Variants in ZNF398 observed in about 807,000 individuals in gnomAD.
ZNF398 encodes the protein zinc finger DNA binding protein ZER6.
In ZNF398, 18 loss-of-function variants were observed where a neutral mutation model predicts 41.9. That is an observed-to-expected ratio of 0.43 (90% CI 0.30 to 0.64). The LOEUF (loss-of-function observed/expected upper bound fraction) is 0.64, where lower values mean the gene tolerates loss of function less well. Ranked by LOEUF, ZNF398 falls within the 30% of genes least tolerant of loss-of-function variation. The pLI is 0.14. For missense variants in ZNF398, 669 were observed against 822.8 expected (o/e 0.81, Z 2.29); for synonymous variants, 260 against 308.8 (o/e 0.84, Z 1.66).
intron 1 of ZNF398, chr7:149,148,459 T>A: frequency 6.1e-6 from 6 of 985,530 alleles, no homozygotes; most frequent in Non-Finnish European, 7.2e-6. Flanking sequence ...GGGAAAGCAC[T>A]GATCGCATTT....
intron 1 of ZNF398, among the ~76,000 whole-genome samples, chr7:149,127,548 CAAAAAAAAA>C (rs61080328): frequency 5.3e-5 from 4 of 74,902 alleles, no homozygotes; most frequent in African/African-American, 2.1e-4. Context: ...ACTAAAAATA[CAAAAAAAAA>C]AAAAAAAAAA....
chr7:149,176,573 C>G lies in ZNF398; in HGVS notation c.767C>G (p.Thr256Ser), dbSNP rs773000862. The G allele has an allele frequency of 1.2e-6, 2 of 1,603,086 alleles. No individual in the cohort carries two copies. The highest frequency in any genetic ancestry group is 1.1e-5 in the South Asian group (1 of 89,596). Residue 256 changes from threonine to serine, a missense_variant, in exon 5 of 6, where the codon ACT becomes AGT. Physicochemically the swap from Thr to Ser is moderately conservative, Grantham distance 58. Coordinates refer to ENST00000475153, the MANE Select transcript of ZNF398 (RefSeq NM_170686.3). ...ESKESDVYKSTYADEELVIKA... is the reference protein window; with the variant it reads ...ESKESDVYKSSYADEELVIKA... Reference sequence around the variant, plus strand: ...AAGGAGAGTGACGTGTACAAAAGCACTTATGCTGGTGAGTATGAAATTAAA... The same window carrying G: ...AAGGAGAGTGACGTGTACAAAAGCAGTTATGCTGGTGAGTATGAAATTAAA...
intron 2 of ZNF398, among the ~76,000 whole-genome samples, chr7:149,130,766 C>T (rs767014709): frequency 4.6e-5 from 7 of 152,202 alleles, no homozygotes; most frequent in Admixed American, 2.0e-4. Context: ...GTGTTGCCAA[C>T]GAAGAAGGCT....
intron 1 of ZNF398, chr7:149,151,124 G>C (rs528471460): frequency 1.6e-5 from 10 of 644,392 alleles, no homozygotes; most frequent in Middle Eastern, 6.8e-4. Flanking sequence ...GGCATGGAGG[G>C]CACAAGTCAG....
intron 4 of ZNF398, among the ~76,000 whole-genome samples, chr7:149,171,070 G>C (rs1024345156): frequency 5.5e-4 from 81 of 147,202 alleles, no homozygotes; most frequent in African/African-American, 2.0e-3. Flanking sequence ...GGATGGTCTC[G>C]ATCTGCTGAC....
rs61732818 is a variant in ZNF398 at position 149,178,664 on chromosome 7, C to T, written c.792C>T (p.Ile264=). The change falls in exon 6 of 6, where the codon ATC becomes ATT. Residue 264 remains isoleucine (I), a synonymous_variant. Transcript: ENST00000475153. ...TTCTTTCAGATGAAGAGCTTGTCATCAAAGCTGAAGGCCTTGCTAGATCCT... is the reference window on the plus strand; with the variant it reads ...TTCTTTCAGATGAAGAGCTTGTCATTAAAGCTGAAGGCCTTGCTAGATCCT... ...KSTYADEELV[I]KAEGLARSSL... 7.2e-3 allele frequency: 11,615 copies of T among 1,612,918 alleles called. 52 individuals carry two copies. The highest frequency in any genetic ancestry group is 0.017 in the African/African-American group (1,258 of 74,860).
At chr7:149,134,064 C>G (rs1826662109) in intron 2 of ZNF398, among the ~76,000 whole-genome samples, 1 of 128,516 alleles carries the variant, frequency 7.8e-6, no homozygotes, top group African/African-American at 2.9e-5. Context: ...CTGTTTTTGT[C>G]TTTTTTTTTT....
intron 2 of ZNF398, among the ~76,000 whole-genome samples, chr7:149,133,654 A>ATAT (rs1826641448): frequency 2.8e-5 from 2 of 71,838 alleles, no homozygotes; most frequent in Non-Finnish European, 5.6e-5. Context: ...GTGTTTTTTA[A>ATAT]ATATATATAT....
chr7:149,127,349 G>T (rs2129518919), intron 1 of ZNF398, among the ~76,000 whole-genome samples: 1 of 151,482 alleles, frequency 6.6e-6, no homozygotes, highest in Admixed American at 6.6e-5. Flanking sequence ...TATTTGTCCC[G>T]GAATCGTGAA....
At chr7:149,145,800 A>C (rs1454648016), upstream of ZNF398, among the ~76,000 whole-genome samples, 1 of 152,134 alleles carries the variant, frequency 6.6e-6, no homozygotes, top group East Asian at 1.9e-4. Context: ...TGGCCCTATG[A>C]TTAGACCTCT....
chr7:149,175,965 C>T (rs916210765), intron 4 of ZNF398, among the ~76,000 whole-genome samples: 3 of 152,050 alleles, frequency 2.0e-5, no homozygotes, highest in South Asian at 2.1e-4. Context: ...GGCTTACACG[C>T]GTGAGTTACC....
chr7:149,141,245 T>G (rs1429742657), intron 2 of ZNF398, among the ~76,000 whole-genome samples: 1 of 151,604 alleles, frequency 6.6e-6, no homozygotes, highest in Non-Finnish European at 1.5e-5. Context: ...AAGAGAAAGT[T>G]TAGATTAAAA....
At chr7:149,145,629 G>A (rs1166386128), upstream of ZNF398, among the ~76,000 whole-genome samples, 1 of 152,142 alleles carries the variant, frequency 6.6e-6, no homozygotes, top group Admixed American at 6.6e-5. Context: ...CAGAGGAATG[G>A]GATGAGCATG....
intron 1 of ZNF398, chr7:149,126,667 G>A (rs952520402): frequency 1.0e-5 from 2 of 196,342 alleles, no homozygotes; most frequent in Non-Finnish European, 2.1e-5. Flanking sequence ...TGAGAGTCCG[G>A]TGCTGTTCCT....
At chr7:149,145,179 G>A (rs894686983), upstream of ZNF398, among the ~76,000 whole-genome samples, 3 of 152,128 alleles carry the variant, frequency 2.0e-5, no homozygotes, top group Non-Finnish European at 4.4e-5. Context: ...TATGGGCATT[G>A]ACTTGATTCA....
chr7:149,147,619 G>C lies in ZNF398; in HGVS notation c.-124G>C. The C allele has an allele frequency of 1.8e-6, 2 of 1,084,944 alleles. No individual in the cohort carries two copies. The highest frequency in any genetic ancestry group is 2.3e-6 in the Non-Finnish European group (2 of 863,606). The allele number at this position is 1,084,944 out of a possible 1,614,324, so 67.2% of individuals were successfully genotyped here. ...GCGTGAGTCCCGTCCGTGCGGGGAA[G>C]GCAGGGCCGGGTCGGCGCCGCCTGT... On this transcript the variant is annotated 5_prime_UTR_variant, in exon 1 of 6. Coordinates refer to ENST00000475153, the MANE Select transcript of ZNF398 (RefSeq NM_170686.3). The surrounding 1 kb of genome is among the most constrained non-coding windows in gnomAD (Gnocchi z 5.6).
chr7:149,178,606 G>A, intron 5 of ZNF398, 42 bp from the exon 6 acceptor site: 1 of 1,521,546 alleles, frequency 6.6e-7, no homozygotes, highest in Non-Finnish European at 9.0e-7. Context: ...TTGCTAGTGA[G>A]ACAGTTATTG....
At chr7:149,151,375 A>G (rs78745643) in intron 1 of ZNF398, 158 of 531,188 alleles carry the variant, frequency 3.0e-4, no homozygotes, top group African/African-American at 2.5e-3. Flanking sequence ...TACCAGGAGC[A>G]AATGGAATGG....
chr7:149,155,682 G>GTT (rs1261096719), intron 2 of ZNF398, among the ~76,000 whole-genome samples: 1 of 90,478 alleles, frequency 1.1e-5, no homozygotes, highest in African/African-American at 4.4e-5. Flanking sequence ...ATTATATTTG[G>GTT]TTATATATAT....
Sources: gnomAD v4.1 joint callset for allele counts (sites outside exome capture counted in the v4.1 genomes callset) on GRCh38, gnomAD v4.1.1 for gene constraint, Gnocchi (gnomAD v3.1) non-coding constraint, MANE v1.5 for transcripts, NCBI Gene and HGNC (gene_info 2026-07-23, HGNC 2026-07-21) for gene names.